GRID2: variants seen among roughly 807,000 people sequenced by gnomAD.
GRID2 encodes the protein glutamate ionotropic receptor delta type subunit 2.
GRID2 carries 33 observed loss-of-function variants against 114.8 expected under a neutral mutation model. That is an observed-to-expected ratio of 0.29 (90% CI 0.22 to 0.38). The LOEUF (loss-of-function observed/expected upper bound fraction) is 0.38. GRID2 is among the 10% of genes least tolerant of loss of function. The pLI, the probability that GRID2 is intolerant of heterozygous loss-of-function variation, is 1.00. For synonymous variants in GRID2, 505 were observed against 449.9 expected (o/e 1.12, Z -1.55); for missense variants, 1,184 against 1,257.7 (o/e 0.94, Z 0.89).
chr4:93,615,732 C>G (rs781626857), intron 13 of GRID2, among the ~76,000 whole-genome samples: 6 of 145,910 alleles, frequency 4.1e-5, no homozygotes, highest in Non-Finnish European at 9.0e-5. Flanking sequence ...TTTATTGTTT[C>G]GTAGTAAAAA....
rs376263813 is a variant in GRID2 at position 93,613,571 on chromosome 4, G to A, written c.2194-12698G>A. ...TGCAGGTCTGTTGGAATACCCTGCCGTGTGAGGTGTCAGTGTGCCCCTGCT... is the reference window on the plus strand; with the variant it reads ...TGCAGGTCTGTTGGAATACCCTGCCATGTGAGGTGTCAGTGTGCCCCTGCT... On this transcript the variant is annotated intron_variant, in intron 13 of 15. Coordinates refer to ENST00000282020, the MANE Select transcript of GRID2 (RefSeq NM_001510.4). 5.1e-3 allele frequency among the ~76,000 whole-genome samples: 487 copies of A among 95,674 alleles called. 7 individuals are homozygous for A. The highest frequency in any genetic ancestry group is 0.032 in the East Asian group (128 of 3,978). The allele number at this position is 95,674 out of a possible 152,430, so 62.8% of individuals were successfully genotyped here.
intron 1 of GRID2, among the ~76,000 whole-genome samples, chr4:92,396,739 A>T (rs1730509549): frequency 6.6e-6 from 1 of 152,078 alleles, no homozygotes; most frequent in Non-Finnish European, 1.5e-5. Context: ...CTTTATTATC[A>T]TCCAGGAGAA....
intron 14 of GRID2, among the ~76,000 whole-genome samples, chr4:93,750,139 A>T (rs929356447): frequency 1.2e-4 from 18 of 152,328 alleles, no homozygotes; most frequent in Admixed American, 1.1e-3. Context: ...AACACACAAA[A>T]TCTATAAGAC....
At chr4:93,438,972 G>A (rs1721370366) in intron 10 of GRID2, among the ~76,000 whole-genome samples, 1 of 151,888 alleles carries the variant, frequency 6.6e-6, no homozygotes, top group South Asian at 2.1e-4. Context: ...TGAGAATGAT[G>A]GTTTCCACTT....
Position 93,769,393 on chromosome 4 carries a change from A to G in GRID2, c.2544A>G (p.Ile848Met). Residue 848 changes from isoleucine to methionine, a missense_variant, in exon 15 of 16, where the codon ATA (isoleucine) becomes ATG (methionine). Coordinates refer to ENST00000282020, the MANE Select transcript of GRID2 (RefSeq NM_001510.4). ...LAAGIVLSCFIAMLETWWNKR... is the reference protein window; with the variant it reads ...LAAGIVLSCFMAMLETWWNKR... ...CTGGAATTGTCCTCTCCTGCTTCATAGCCATGCTGGAGACGTGGTGGAACA... is the reference window on the plus strand; with the variant it reads ...CTGGAATTGTCCTCTCCTGCTTCATGGCCATGCTGGAGACGTGGTGGAACA... 2 of 1,613,602 alleles carry G rather than the reference A, an allele frequency of 1.2e-6. No homozygotes were observed. Among genetic ancestry groups the G allele is most frequent in the Non-Finnish European group, 1.7e-6 (2 of 1,179,580 alleles).
intron 13 of GRID2, among the ~76,000 whole-genome samples, chr4:93,574,763 C>T (rs896577792): frequency 3.9e-5 from 6 of 152,190 alleles, no homozygotes; most frequent in Admixed American, 6.5e-5. Flanking sequence ...AGTAAGATAA[C>T]GAATAAAAGA....
intron 13 of GRID2, among the ~76,000 whole-genome samples, chr4:93,534,434 C>T (rs942999793): frequency 6.6e-6 from 1 of 152,082 alleles, no homozygotes; most frequent in Non-Finnish European, 1.5e-5. Flanking sequence ...CACCTAAAAT[C>T]TATTCTCTTA....
rs537570336 is a variant in GRID2 at position 93,017,281 on chromosome 4, A to G, written c.245-67714A>G. ...GGTTAAATAATTTTTTTCCTATAAG[A>G]AAATAAAATACAGTTTTAGATTCTA... On this transcript the variant is annotated intron_variant, in intron 2 of 15. Coordinates refer to ENST00000282020, the MANE Select transcript of GRID2 (RefSeq NM_001510.4). Among the ~76,000 whole-genome samples, 10 of 152,300 alleles carry G rather than the reference A, an allele frequency of 6.6e-5. No individual in the cohort carries two copies. The South Asian group carries it at 1.2e-3, about 19-fold the overall frequency.
chr4:93,380,412 T>G (rs1763742250), intron 8 of GRID2, among the ~76,000 whole-genome samples: 1 of 151,230 alleles, frequency 6.6e-6, no homozygotes. Flanking sequence ...AATAATTTTT[T>G]GATGTTTAAG....
chr4:93,041,772 A>G (rs979044659), intron 2 of GRID2, among the ~76,000 whole-genome samples: 1 of 152,174 alleles, frequency 6.6e-6, no homozygotes, highest in African/African-American at 2.4e-5. Context: ...TCTATTATGA[A>G]ATATTCTGAT....
intron 1 of GRID2, among the ~76,000 whole-genome samples, chr4:92,322,344 A>G (rs572761343): frequency 4.9e-4 from 75 of 152,232 alleles, no homozygotes; most frequent in Non-Finnish European, 8.7e-4. Flanking sequence ...TTGGTCTAAT[A>G]TAGGATGATC....
At chr4:92,663,886 A>G (rs1232237977) in intron 2 of GRID2, among the ~76,000 whole-genome samples, 1 of 151,190 alleles carries the variant, frequency 6.6e-6, no homozygotes, top group Admixed American at 6.6e-5. Flanking sequence ...AAGTGGAATC[A>G]TGCATGATTT....
At chr4:92,983,909 A>C (rs1459332265) in intron 2 of GRID2, among the ~76,000 whole-genome samples, 1 of 152,134 alleles carries the variant, frequency 6.6e-6, no homozygotes, top group Non-Finnish European at 1.5e-5. Context: ...TAGAAAACAA[A>C]ACTAAACTTG....
rs549753054 is a variant in GRID2, at chr4:93,671,525, AT to A, written c.2360+45093del. ...ACTAATTGTGAGGCCTTAGTACATCATTTAGCCCCTCTACAACTCAGTTTCC... is the reference window on the plus strand; with the variant it reads ...ACTAATTGTGAGGCCTTAGTACATCATTAGCCCCTCTACAACTCAGTTTCC... On this transcript the variant is annotated intron_variant, in intron 14 of 15. Coordinates refer to ENST00000282020, the MANE Select transcript of GRID2 (RefSeq NM_001510.4). 3.0e-3 allele frequency among the ~76,000 whole-genome samples: 452 copies of A among 152,266 alleles called. 4 individuals carry two copies. The highest frequency in any genetic ancestry group is 0.01 in the African/African-American group (435 of 41,542).
chr4:93,126,637 A>C (rs6833623), intron 4 of GRID2, among the ~76,000 whole-genome samples: 2 of 124,852 alleles, frequency 1.6e-5, no homozygotes, highest in Non-Finnish European at 3.2e-5. Context: ...TCGCTCTGTC[A>C]CCCAGGCTGG....
At chr4:93,519,054 C>T (rs1730087438) in intron 13 of GRID2, among the ~76,000 whole-genome samples, 1 of 152,052 alleles carries the variant, frequency 6.6e-6, no homozygotes, top group Non-Finnish European at 1.5e-5. Context: ...ACTCTTATGC[C>T]CCTATCCCAG....
chr4:92,732,374 A>G (rs957028884), intron 2 of GRID2, among the ~76,000 whole-genome samples: 2 of 152,088 alleles, frequency 1.3e-5, no homozygotes, highest in African/African-American at 4.8e-5. Flanking sequence ...CAAATCTTTT[A>G]CTGAGTGTAT....
intron 1 of GRID2, among the ~76,000 whole-genome samples, chr4:92,566,869 C>G (rs1425075355): frequency 6.6e-6 from 1 of 151,992 alleles, no homozygotes; most frequent in Admixed American, 6.6e-5. Context: ...ATTTTCACTG[C>G]AGTGGTTAGG....
intron 2 of GRID2, among the ~76,000 whole-genome samples, chr4:92,749,627 G>A (rs536703512): frequency 1.3e-5 from 2 of 152,210 alleles, no homozygotes; most frequent in South Asian, 4.1e-4. Flanking sequence ...AGATGCGCTG[G>A]TATTTTAAGC....
Sources: gnomAD v4.1 joint callset for allele counts (sites outside exome capture counted in the v4.1 genomes callset) on GRCh38, gnomAD v4.1.1 for gene constraint, MANE v1.5 for transcripts, NCBI Gene and HGNC (gene_info 2026-07-23, HGNC 2026-07-21) for gene names.